FOXN3: variants seen among roughly 807,000 people sequenced by gnomAD.
FOXN3 encodes the protein forkhead box N3.
In FOXN3, 7 loss-of-function variants were observed where a neutral mutation model predicts 38.4. The ratio of observed to expected loss-of-function variants is 0.18; its 90% confidence interval spans 0.10 to 0.34. The LOEUF (loss-of-function observed/expected upper bound fraction) is 0.34, where lower values mean the gene tolerates loss of function less well. FOXN3 is among the 10% of genes least tolerant of loss of function. The pLI is 1.00. For missense variants in FOXN3, 456 were observed against 613.4 expected, an observed-to-expected ratio of 0.74 and a Z score of 2.71; for synonymous variants, 230 against 242.2, an observed-to-expected ratio of 0.95 and a Z score of 0.47.
chr14:89,550,428 G>A (rs917401125), intron 1 of FOXN3, among the ~76,000 whole-genome samples: 1 of 152,170 alleles, frequency 6.6e-6, no homozygotes, highest in Non-Finnish European at 1.5e-5. Context: ...CCATTTCCTG[G>A]ACAATCTACT....
chr14:89,293,252 G>A lies in FOXN3; in HGVS notation c.681-12238C>T, dbSNP rs140407400. On this transcript the variant is annotated intron_variant, in intron 3 of 5. Coordinates refer to ENST00000557258, the MANE Select transcript of FOXN3 (RefSeq NM_005197.4). ...AACCAGAAGGCAGCTTCCCCCCTCT[G>A]CCTTGCTTGCCAGTTCCCAGGGCAC... Among the ~76,000 whole-genome samples the A allele has an allele frequency of 4.5e-4, 69 of 152,322 alleles. 2 individuals are homozygous for A. The East Asian group carries it at 0.011, about 25-fold the overall frequency.
chr14:89,320,648 T>C (rs1204922465), intron 3 of FOXN3, among the ~76,000 whole-genome samples: 3 of 152,172 alleles, frequency 2.0e-5, no homozygotes, highest in African/African-American at 7.2e-5. Context: ...CTCAGGGGAA[T>C]GAGAAGTCCT....
At chr14:89,527,115 T>G (rs1894449526) in intron 1 of FOXN3, among the ~76,000 whole-genome samples, 1 of 144,622 alleles carries the variant, frequency 6.9e-6, no homozygotes, top group Non-Finnish European at 1.5e-5. Flanking sequence ...AGAAACAGGA[T>G]GAGGGGGTGA....
At chr14:89,392,450 C>A (rs374512515) in intron 2 of FOXN3, among the ~76,000 whole-genome samples, 3 of 152,258 alleles carry the variant, frequency 2.0e-5, no homozygotes, top group South Asian at 4.1e-4. Flanking sequence ...GTTCGGGAGG[C>A]TTGAAGCCTA....
intron 2 of FOXN3, among the ~76,000 whole-genome samples, chr14:89,389,739 A>T (rs1014347787): frequency 2.0e-5 from 3 of 152,196 alleles, no homozygotes; most frequent in Non-Finnish European, 2.9e-5. Flanking sequence ...TACAAAGGGT[A>T]GCTTGGGGGC....
intron 2 of FOXN3, among the ~76,000 whole-genome samples, chr14:89,374,978 GAA>G (rs71460268): frequency 9.1e-5 from 8 of 87,478 alleles, no homozygotes; most frequent in African/African-American, 1.6e-4. Context: ...CTCCGTCTCA[GAA>G]AAAAAAAAAA....
chr14:89,393,921 GATAA>G (rs1173867509), intron 2 of FOXN3, among the ~76,000 whole-genome samples: 4 of 152,164 alleles, frequency 2.6e-5, no homozygotes, highest in Admixed American at 6.5e-5. Context: ...GGGAGTTGTG[GATAA>G]TTTATAAAGA....
At chr14:89,237,802 T>C (rs577996598) in intron 4 of FOXN3, among the ~76,000 whole-genome samples, 33 of 152,258 alleles carry the variant, frequency 2.2e-4, no homozygotes, top group Non-Finnish European at 4.6e-4. Context: ...TGCATAATTC[T>C]TTGTAGCACT....
At chr14:89,433,831 G>C (rs1892216830) in intron 1 of FOXN3, among the ~76,000 whole-genome samples, 1 of 148,676 alleles carries the variant, frequency 6.7e-6, no homozygotes, top group Non-Finnish European at 1.5e-5. Flanking sequence ...AAAAAGAAAA[G>C]AAACAGACAT....
rs147050880 is a variant in FOXN3 at position 89,293,595 on chromosome 14, C to T, written c.681-12581G>A. ...AAATTCCCACCTTTTCTAAGGACAA[C>T]GTCATGTTGAGTCGAGGGTGCACCC... On this transcript the variant is annotated intron_variant, in intron 3 of 5. Coordinates refer to ENST00000557258, the MANE Select transcript of FOXN3 (RefSeq NM_005197.4). 3.2e-4 allele frequency among the ~76,000 whole-genome samples: 48 copies of T among 152,252 alleles called. 1 individual carries two copies. The East Asian group carries it at 8.9e-3, about 28-fold the overall frequency.
intron 3 of FOXN3, among the ~76,000 whole-genome samples, chr14:89,327,201 G>C (rs1034735484): frequency 2.6e-5 from 4 of 152,142 alleles, no homozygotes; most frequent in African/African-American, 9.7e-5. Context: ...GAAAAGGTGA[G>C]ATTTATATAC....
intron 2 of FOXN3, among the ~76,000 whole-genome samples, chr14:89,373,281 C>T (rs1890375445): frequency 6.6e-6 from 1 of 151,816 alleles, no homozygotes; most frequent in Non-Finnish European, 1.5e-5. Flanking sequence ...AAGACTTCTT[C>T]ATCTAAGGCC....
In FOXN3 at chr14:89,161,532, C is replaced by T. The variant is rs1887098370; in HGVS notation, c.*882G>A. On this transcript the variant is annotated 3_prime_UTR_variant, in exon 6 of 6. Coordinates refer to ENST00000557258, the MANE Select transcript of FOXN3 (RefSeq NM_005197.4). ...TTAAGAAGACACAGCTTGTTTTCCC[C>T]ATCAGTTTTCTCTCTCTCTCCTTCG... 1 of 149,668 alleles carries T rather than the reference C, an allele frequency of 6.7e-6. No homozygotes were observed. Among genetic ancestry groups the T allele is most frequent in the East Asian group, 2.0e-4 (1 of 5,070 alleles). The allele number at this position is 149,668 out of a possible 1,614,324, so 9.3% of individuals were successfully genotyped here. A position where few individuals can be genotyped will look rare whatever the true frequency, so the allele number is the denominator to read the frequency against.
intron 1 of FOXN3, among the ~76,000 whole-genome samples, chr14:89,503,757 T>C (rs556306363): frequency 1.3e-5 from 2 of 152,326 alleles, no homozygotes; most frequent in South Asian, 2.1e-4. Context: ...CAGCTCTGTT[T>C]GGTCACTGGT....
intron 4 of FOXN3, chr14:89,263,572 A>G (rs1885875055): frequency 6.6e-6 from 1 of 152,234 alleles, no homozygotes; most frequent in African/African-American, 2.4e-5. Flanking sequence ...GATAAAATCT[A>G]TGACAATCCT....
intron 5 of FOXN3, among the ~76,000 whole-genome samples, chr14:89,170,523 A>G (rs1478045235): frequency 1.3e-5 from 2 of 152,152 alleles, no homozygotes; most frequent in Admixed American, 6.5e-5. Flanking sequence ...GCAATCTCCC[A>G]CCTCAGCCTC....
intron 4 of FOXN3, among the ~76,000 whole-genome samples, chr14:89,239,785 G>C (rs141423853): frequency 6.6e-6 from 1 of 152,308 alleles, no homozygotes; most frequent in Non-Finnish European, 1.5e-5. Context: ...TCATGTGCTA[G>C]CTACTTTAAA....
chr14:89,572,417 A>G (rs1480700814), intron 1 of FOXN3, among the ~76,000 whole-genome samples: 3 of 152,224 alleles, frequency 2.0e-5, no homozygotes, highest in Non-Finnish European at 2.9e-5. Context: ...ACTGAAGTTG[A>G]TAAGTTTAGA....
chr14:89,444,061 G>A (rs931981976), intron 1 of FOXN3, among the ~76,000 whole-genome samples: 4 of 137,754 alleles, frequency 2.9e-5, no homozygotes, highest in African/African-American at 8.0e-5. Context: ...GAAGAAATCC[G>A]AAATCTAAAC....
Sources: allele counts gnomAD v4.1 joint callset (sites outside exome capture counted in the v4.1 genomes callset), GRCh38; gene constraint gnomAD v4.1.1; transcripts MANE v1.5; gene names NCBI Gene and HGNC (gene_info 2026-07-23, HGNC 2026-07-21).